Variants in DYNLT2 observed in about 807,000 individuals in gnomAD.
DYNLT2 encodes dynein light chain Tctex-type 2.
In DYNLT2, 24 loss-of-function variants were observed where a neutral mutation model predicts 24.3. The ratio of observed to expected loss-of-function variants is 0.99; its 90% CI spans 0.71 to 1.39. The LOEUF (loss-of-function observed/expected upper bound fraction) is 1.39. DYNLT2 is among the 40% of genes most tolerant of loss of function. The probability of loss-of-function intolerance (pLI) is 0.00; values close to 1 mark genes in which losing one functional copy is unlikely to be tolerated. For missense variants in DYNLT2, 246 were observed against 234.5 expected (o/e 1.05, Z -0.32); for synonymous variants, 85 against 85.4 (o/e 1.00, Z 0.03).
At chr6:169,751,204 A>T in intron 1 of DYNLT2, 135 bp downstream of exon 1, 1 of 1,372,166 alleles carries the variant, frequency 7.3e-7, no homozygotes, top group Non-Finnish European at 9.8e-7. Flanking sequence ...GCATCTGGGG[A>T]AAAAAGAAAC....
chr6:169,747,024 C>T (rs934225305), intron 1 of DYNLT2, among the ~76,000 whole-genome samples: 11 of 150,866 alleles, frequency 7.3e-5, no homozygotes, highest in African/African-American at 2.2e-4. Context: ...CTTGTTAGGA[C>T]ATAGTAGGGA....
At chr6:169,751,281 A>C in intron 1 of DYNLT2, 58 bp downstream of exon 1, 1 of 1,563,768 alleles carries the variant, frequency 6.4e-7, no homozygotes. Context: ...CTGGGGAGCG[A>C]TTTCACTTAA....
chr6:169,747,884 G>A (rs1269858818), intron 1 of DYNLT2, among the ~76,000 whole-genome samples: 1 of 152,060 alleles, frequency 6.6e-6, no homozygotes, highest in African/African-American at 2.4e-5. Context: ...GGATATTTTT[G>A]TATTCCTAAG....
At chr6:169,733,644 T>C in the DYNLT2 span, among the ~76,000 whole-genome samples, 10 of 152,224 alleles carry the variant, frequency 6.6e-5, no homozygotes, top group Admixed American at 5.2e-4. Flanking sequence ...CATTGGTCTA[T>C]ATGTCTGTTT....
At chr6:169,728,799 T>C in the DYNLT2 span, among the ~76,000 whole-genome samples, 1 of 152,220 alleles carries the variant, frequency 6.6e-6, no homozygotes. Context: ...TTGCCTCTTC[T>C]CATACTATTA....
downstream of DYNLT2, among the ~76,000 whole-genome samples, chr6:169,736,110 G>A (rs1435034010): frequency 6.7e-6 from 1 of 148,900 alleles, no homozygotes; most frequent in Non-Finnish European, 1.5e-5. Flanking sequence ...CCCCTGTTTT[G>A]TTGTTGTTGT....
chr6:169,747,634 AGTCT>A (rs1789837547), intron 1 of DYNLT2, among the ~76,000 whole-genome samples: 1 of 152,212 alleles, frequency 6.6e-6, no homozygotes, highest in Non-Finnish European at 1.5e-5. Flanking sequence ...TAACATGCTC[AGTCT>A]TTCTCTACAC....
chr6:169,725,206 C>G, the DYNLT2 span: 2 of 398,846 alleles, frequency 5.0e-6, no homozygotes, highest in East Asian at 3.6e-5. Context: ...CGCCGTACAG[C>G]TGGCCTCACG....
At chr6:169,725,183 G>A in the DYNLT2 span, 2 of 398,894 alleles carry the variant, frequency 5.0e-6, no homozygotes, top group Non-Finnish European at 8.8e-6. Flanking sequence ...CCAAGCCTGG[G>A]TCCGGGGCGG....
intron 2 of DYNLT2, among the ~76,000 whole-genome samples, chr6:169,743,770 C>A (rs1438926517): frequency 1.3e-5 from 2 of 152,092 alleles, no homozygotes; most frequent in Admixed American, 1.3e-4. Context: ...AAAATGAAAT[C>A]AAAGATTTCT....
chr6:169,737,206 C>G (rs1789579797), downstream of DYNLT2, among the ~76,000 whole-genome samples: 1 of 152,198 alleles, frequency 6.6e-6, no homozygotes, highest in Non-Finnish European at 1.5e-5. Flanking sequence ...TTCTAGTTAG[C>G]AATTGCTCTA....
At chr6:169,728,982 CTTAACA>C in the DYNLT2 span, among the ~76,000 whole-genome samples, 27 of 152,318 alleles carry the variant, frequency 1.8e-4, no homozygotes, top group South Asian at 5.4e-3. Flanking sequence ...ACTTTAATCT[CTTAACA>C]TTAATCAATT....
At chr6:169,746,222 G>T (rs1301125596) in intron 1 of DYNLT2, among the ~76,000 whole-genome samples, 1 of 151,940 alleles carries the variant, frequency 6.6e-6, no homozygotes, top group Non-Finnish European at 1.5e-5. Flanking sequence ...TTTTGGTTTT[G>T]TTGGTACCTG....
intron 1 of DYNLT2, among the ~76,000 whole-genome samples, chr6:169,748,713 G>A (rs1789869643): frequency 1.3e-5 from 2 of 152,138 alleles, no homozygotes; most frequent in Non-Finnish European, 2.9e-5. Flanking sequence ...ATACTCAAGG[G>A]ATGCAACTAC....
At chr6:169,741,610 A>G (rs1030097665) in intron 3 of DYNLT2, among the ~76,000 whole-genome samples, 1 of 152,170 alleles carries the variant, frequency 6.6e-6, no homozygotes, top group African/African-American at 2.4e-5. Flanking sequence ...ACATCATGCC[A>G]CTATCTACTA....
chr6:169,742,697 C>G (rs1789705804), intron 3 of DYNLT2, among the ~76,000 whole-genome samples: 1 of 152,120 alleles, frequency 6.6e-6, no homozygotes, highest in African/African-American at 2.4e-5. Context: ...TTCCCAGTCT[C>G]AAGTGAGTCT....
In DYNLT2 at chr6:169,743,060, T is replaced by C. The variant is rs369282405; in HGVS notation, c.486+20A>G. 24 of 1,497,726 alleles carry C rather than the reference T, an allele frequency of 1.6e-5. No individual in the cohort carries two copies. Among genetic ancestry groups the C allele is most frequent in the Non-Finnish European group, 2.0e-5 (22 of 1,110,040 alleles). The allele number at this position is 1,497,726 out of a possible 1,614,324, so 92.8% of individuals were successfully genotyped here. A position where few individuals can be genotyped will look rare whatever the true frequency, so the allele number is the denominator to read the frequency against. ...CCTTATAGTTCTAATTGCTAGATCC[T>C]GTATCAATGGGGTACTTACATTTAT... On this transcript the variant is annotated intron_variant, in intron 3 of 3. Transcript: ENST00000366774.
intron 1 of DYNLT2, 136 bp downstream of exon 1, chr6:169,751,203 G>A: frequency 7.3e-7 from 1 of 1,373,684 alleles, no homozygotes; most frequent in African/African-American, 1.4e-5. Context: ...CGCATCTGGG[G>A]AAAAAAGAAA....
intron 3 of DYNLT2, among the ~76,000 whole-genome samples, chr6:169,740,995 G>A (rs1789667190): frequency 6.6e-6 from 1 of 152,004 alleles, no homozygotes; most frequent in Non-Finnish European, 1.5e-5. Context: ...TTTTAGTAGA[G>A]ATGGGGTTTC....
Sources: gnomAD v4.1 joint callset for allele counts (sites outside exome capture counted in the v4.1 genomes callset) on GRCh38, gnomAD v4.1.1 for gene constraint, MANE v1.5 for transcripts, NCBI Gene and HGNC (gene_info 2026-07-23, HGNC 2026-07-21) for gene names.